SCCPDH: variants seen among roughly 807,000 people sequenced by gnomAD.
SCCPDH encodes saccharopine dehydrogenase (putative), also known as saccharopine dehydrogenase-like oxidoreductase.
Under a neutral mutation model 51.5 loss-of-function variants are expected in SCCPDH, and 34 were observed. The observed-to-expected ratio is 0.66, with a 90% CI of 0.50 to 0.88. The LOEUF (loss-of-function observed/expected upper bound fraction) is 0.88, where lower values mean the gene tolerates loss of function less well. SCCPDH is among the 40% of genes least tolerant of loss of function. The probability of loss-of-function intolerance (pLI) is 0.00; values close to 1 mark genes in which losing one functional copy is unlikely to be tolerated. For synonymous variants in SCCPDH, 187 were observed against 191.3 expected (o/e 0.98, Z 0.19); for missense variants, 464 against 527.1 (o/e 0.88, Z 1.17).
intron 3 of SCCPDH, among the ~76,000 whole-genome samples, chr1:246,739,350 T>C (rs1668645092): frequency 6.6e-6 from 1 of 152,130 alleles, no homozygotes; most frequent in South Asian, 2.1e-4. Context: ...GAGAAAAGCA[T>C]GAGACAAATT....
intron 2 of SCCPDH, 106 bp from the exon 3 acceptor site, chr1:246,735,869 T>C (rs1668559368): frequency 1.4e-6 from 1 of 711,982 alleles, no homozygotes; most frequent in African/African-American, 1.8e-5. Context: ...TTATTAACAG[T>C]TGATTTCTTG....
At chr1:246,724,989 G>C (rs187185123) in intron 1 of SCCPDH, among the ~76,000 whole-genome samples, 1 of 152,272 alleles carries the variant, frequency 6.6e-6, no homozygotes, top group African/African-American at 2.4e-5. Context: ...CGGGTTTCTA[G>C]ATGTTTGGTC....
chr1:246,729,121 A>G (rs28488566), intron 2 of SCCPDH, among the ~76,000 whole-genome samples: 6,824 of 152,276 alleles, frequency 0.045, 512 homozygotes, highest in African/African-American at 0.16. Context: ...ACATGCTTCA[A>G]AAGGCAATAC....
chr1:246,762,731 C>T (rs1468034403), intron 9 of SCCPDH, among the ~76,000 whole-genome samples: 2 of 151,340 alleles, frequency 1.3e-5, no homozygotes, highest in Non-Finnish European at 2.9e-5. Context: ...GTCCCAGCTA[C>T]TCAGGAGGCT....
intron 2 of SCCPDH, among the ~76,000 whole-genome samples, chr1:246,732,301 G>C (rs549641541): frequency 2.6e-5 from 4 of 152,250 alleles, no homozygotes; most frequent in African/African-American, 7.2e-5. Context: ...AATTGTGCAG[G>C]GGAGAGGAGA....
intron 4 of SCCPDH, among the ~76,000 whole-genome samples, chr1:246,742,449 G>T (rs2102984446): frequency 6.6e-6 from 1 of 152,276 alleles, no homozygotes; most frequent in East Asian, 1.9e-4. Flanking sequence ...TGATGCAGGT[G>T]GTCCACTTTT....
intron 4 of SCCPDH, among the ~76,000 whole-genome samples, chr1:246,743,827 C>T (rs1004973387): frequency 6.6e-6 from 1 of 152,152 alleles, no homozygotes; most frequent in African/African-American, 2.4e-5. Context: ...ATTCAGTGTT[C>T]CAATCCTTAG....
intron 5 of SCCPDH, among the ~76,000 whole-genome samples, chr1:246,747,884 C>T (rs988313906): frequency 1.3e-5 from 2 of 151,962 alleles, no homozygotes; most frequent in African/African-American, 2.4e-5. Flanking sequence ...GTCAAGGAGA[C>T]GTAAAGAACG....
rs183211370 is a variant in SCCPDH, at chr1:246,762,724, C to G, written c.991-1522C>G. Among the ~76,000 whole-genome samples, 678 of 151,866 alleles carry G rather than the reference C, an allele frequency of 4.5e-3. 6 individuals are homozygous for G. Among genetic ancestry groups the G allele is most frequent in the African/African-American group, 0.015 (634 of 41,390 alleles). On this transcript the variant is annotated intron_variant, in intron 9 of 11. Coordinates refer to ENST00000366510, the MANE Select transcript of SCCPDH (RefSeq NM_016002.3). ...GACATGGTGGTGCACGCCTGTAGTC[C>G]CAGCTACTCAGGAGGCTGAGGCAGG...
intron 5 of SCCPDH, among the ~76,000 whole-genome samples, chr1:246,757,733 G>A (rs146035584): frequency 6.6e-6 from 1 of 152,322 alleles, no homozygotes; most frequent in East Asian, 1.9e-4. Context: ...AGAGGTGTTG[G>A]AGGTAGACGG....
chr1:246,756,202 T>C (rs1015089120), intron 5 of SCCPDH, among the ~76,000 whole-genome samples: 2 of 152,260 alleles, frequency 1.3e-5, no homozygotes, highest in African/African-American at 4.8e-5. Flanking sequence ...ATTTTGAGCA[T>C]AAGAAGCCAA....
At chr1:246,729,502 A>G (rs972731900) in intron 2 of SCCPDH, among the ~76,000 whole-genome samples, 2 of 152,248 alleles carry the variant, frequency 1.3e-5, no homozygotes, top group Non-Finnish European at 2.9e-5. Context: ...AAGAAGAGAA[A>G]TATGACTCTC....
chr1:246,725,318 G>A (rs1668379177), intron 1 of SCCPDH, among the ~76,000 whole-genome samples: 1 of 151,992 alleles, frequency 6.6e-6, no homozygotes, highest in Non-Finnish European at 1.5e-5. Flanking sequence ...GATTCTCTAA[G>A]CATTGAAGGA....
intron 5 of SCCPDH, among the ~76,000 whole-genome samples, chr1:246,751,037 AG>A (rs1668844933): frequency 2.0e-5 from 3 of 152,226 alleles, no homozygotes; most frequent in African/African-American, 7.2e-5. Context: ...TTCGCTCATA[AG>A]GGGTTTGGAT....
intron 3 of SCCPDH, among the ~76,000 whole-genome samples, chr1:246,737,929 C>T (rs1001626377): frequency 1.3e-5 from 2 of 152,024 alleles, no homozygotes; most frequent in African/African-American, 4.8e-5. Flanking sequence ...GGCACGTTGG[C>T]TCATACCTGT....
At chr1:246,729,891 C>G (rs1406244301) in intron 2 of SCCPDH, among the ~76,000 whole-genome samples, 2 of 152,196 alleles carry the variant, frequency 1.3e-5, no homozygotes, top group Admixed American at 6.5e-5. Context: ...TTATGTTCTT[C>G]TGCCGTGGCT....
In SCCPDH at chr1:246,760,074, AAAGT is replaced by A. The variant is rs1328603019; in HGVS notation, c.933+6_933+9del. 5.6e-6 allele frequency: 9 copies of A among 1,609,908 alleles called. No homozygotes were observed. Among genetic ancestry groups the A allele is most frequent in the Middle Eastern group, 1.6e-4 (1 of 6,068 alleles). ...TGGAATTGGAAGGCAACTTCTCATA[AAAGT>A]AAGTAAGATTTTATGAAATTAGATT... On this transcript the variant is annotated splice_donor_variant and coding_sequence_variant, in exon 8 of 12. Transcript: ENST00000366510. LOFTEE classifies it high-confidence loss of function.
At chr1:246,762,577 C>G (rs951012990) in intron 9 of SCCPDH, among the ~76,000 whole-genome samples, 2 of 152,140 alleles carry the variant, frequency 1.3e-5, no homozygotes, top group Non-Finnish European at 2.9e-5. Flanking sequence ...CGCAGTGGCT[C>G]ACACCTGTAA....
chr1:246,736,641 C>T (rs1205262023), intron 3 of SCCPDH, among the ~76,000 whole-genome samples: 1 of 151,818 alleles, frequency 6.6e-6, no homozygotes, highest in Non-Finnish European at 1.5e-5. Context: ...GTGGAGCTTG[C>T]AGTGAGCCGA....
Sources: gnomAD v4.1 joint callset for allele counts (sites outside exome capture counted in the v4.1 genomes callset) on GRCh38, gnomAD v4.1.1 for gene constraint, MANE v1.5 for transcripts, NCBI Gene and HGNC (gene_info 2026-07-23, HGNC 2026-07-21) for gene names.